KCNIP4: variants seen among roughly 807,000 people sequenced by gnomAD.
The protein encoded by KCNIP4 is Kv channel-interacting protein 4.
KCNIP4 carries 12 observed loss-of-function variants against 34.0 expected under a neutral mutation model. The observed-to-expected ratio is 0.35, with a 90% confidence interval of 0.23 to 0.57. KCNIP4 has a LOEUF of 0.57. Among genes scored for constraint, KCNIP4 ranks in the 20% least tolerant of loss-of-function variants. The pLI, the probability that KCNIP4 is intolerant of heterozygous loss-of-function variation, is 0.83. For missense variants in KCNIP4, 238 were observed against 311.7 expected (o/e 0.76, Z 1.78); for synonymous variants, 124 against 102.2 (o/e 1.21, Z -1.29).
At position 21,400,510 on chromosome 4, in the gene KCNIP4, TTC is replaced by T. The variant is rs1560369102; in HGVS notation, c.62-517803_62-517802del. 2.1e-3 allele frequency among the ~76,000 whole-genome samples: 210 copies of T among 100,818 alleles called. 4 individuals carry two copies. Among genetic ancestry groups the T allele is most frequent in the African/African-American group, 8.0e-3 (150 of 18,702 alleles). The allele number at this position is 100,818 out of a possible 152,430, so 66.1% of individuals were successfully genotyped here. On this transcript the variant is annotated intron_variant, in intron 1 of 8. Coordinates refer to ENST00000382152, the MANE Select transcript of KCNIP4 (RefSeq NM_025221.6). ...CTCCTCTCCCCTCCCTTCCCCTCCC[TTC>T]CTCTTCTCTTCTCTTCTCTTCTCTT...
chr4:20,950,158 T>A (rs1236462444), intron 1 of KCNIP4, among the ~76,000 whole-genome samples: 1 of 150,376 alleles, frequency 6.6e-6, no homozygotes, highest in Non-Finnish European at 1.5e-5. Context: ...AAATACTGGT[T>A]CTTCCTGTGC....
intron 1 of KCNIP4, among the ~76,000 whole-genome samples, chr4:21,785,399 T>G (rs1719835719): frequency 6.6e-6 from 1 of 151,976 alleles, no homozygotes; most frequent in Admixed American, 6.6e-5. Flanking sequence ...GAGACCAGCC[T>G]GGTCAACATG....
chr4:21,619,643 C>A (rs1744868575), intron 1 of KCNIP4, among the ~76,000 whole-genome samples: 1 of 152,140 alleles, frequency 6.6e-6, no homozygotes, highest in Non-Finnish European at 1.5e-5. Context: ...AGGTGAGGCT[C>A]CCTTTGTTGA....
chr4:20,905,336 G>A (rs1727619288), intron 1 of KCNIP4, among the ~76,000 whole-genome samples: 1 of 152,092 alleles, frequency 6.6e-6, no homozygotes. Context: ...TACTGAATTA[G>A]GGTTTCACCC....
At chr4:21,925,461 A>G (rs1445653231) in intron 1 of KCNIP4, among the ~76,000 whole-genome samples, 46 of 152,052 alleles carry the variant, frequency 3.0e-4, no homozygotes, top group Non-Finnish European at 4.4e-5. Context: ...TACGTGCCAC[A>G]TTTTCTTAAT....
intron 1 of KCNIP4, among the ~76,000 whole-genome samples, chr4:20,903,785 C>T (rs549477809): frequency 6.6e-6 from 1 of 152,260 alleles, no homozygotes; most frequent in South Asian, 2.1e-4. Context: ...GAATAAACCT[C>T]TTCAAATATT....
intron 1 of KCNIP4, among the ~76,000 whole-genome samples, chr4:21,022,069 T>C (rs1740122104): frequency 6.6e-6 from 1 of 152,026 alleles, no homozygotes. Flanking sequence ...CGGCTACAAT[T>C]TCATATGTGA....
chr4:21,600,188 A>G (rs748868168), intron 1 of KCNIP4, among the ~76,000 whole-genome samples: 1 of 152,096 alleles, frequency 6.6e-6, no homozygotes, highest in Non-Finnish European at 1.5e-5. Context: ...TAAACAATAC[A>G]AAAACTTTCA....
chr4:21,556,930 A>AAACAAAAAAAAAAAAAAAAAAC (rs1739093810), intron 1 of KCNIP4, among the ~76,000 whole-genome samples: 2 of 108,194 alleles, frequency 1.8e-5, no homozygotes, highest in Non-Finnish European at 4.0e-5. Flanking sequence ...CAGAAAAAAA[A>AAACAAAAAAAAAAAAAAAAAAC]AAAAAAAAAA....
At chr4:21,718,184 A>C (rs920668045) in intron 1 of KCNIP4, among the ~76,000 whole-genome samples, 54 of 152,330 alleles carry the variant, frequency 3.5e-4, no homozygotes, top group Non-Finnish European at 3.5e-4. Flanking sequence ...GCTCTCCTTA[A>C]GAAGAAAAAA....
At chr4:20,882,443 C>T (rs909212357) in intron 2 of KCNIP4, among the ~76,000 whole-genome samples, 165 bp downstream of exon 2, 8 of 152,100 alleles carry the variant, frequency 5.3e-5, no homozygotes, top group Non-Finnish European at 1.0e-4. Context: ...AAAATGACTC[C>T]TAATTGCCCA....
chr4:21,014,501 C>G (rs1045404271), intron 1 of KCNIP4, among the ~76,000 whole-genome samples: 2 of 152,178 alleles, frequency 1.3e-5, no homozygotes, highest in Non-Finnish European at 2.9e-5. Context: ...TTCTGCATCA[C>G]TTAAAGAATA....
chr4:21,085,205 A>G (rs923015786), intron 1 of KCNIP4, among the ~76,000 whole-genome samples: 14 of 152,040 alleles, frequency 9.2e-5, no homozygotes, highest in African/African-American at 3.4e-4. Flanking sequence ...GCTCTTATAA[A>G]AAGAGACACA....
chr4:21,700,573 GT>G (rs1170292871), intron 1 of KCNIP4, among the ~76,000 whole-genome samples: 1 of 151,392 alleles, frequency 6.6e-6, no homozygotes, highest in Non-Finnish European at 1.5e-5. Flanking sequence ...TTTTTTGTTT[GT>G]TTTTTGCTGT....
intron 1 of KCNIP4, among the ~76,000 whole-genome samples, chr4:21,434,765 T>TGGG (rs754344317): frequency 9.4e-6 from 1 of 106,706 alleles, no homozygotes; most frequent in African/African-American, 3.7e-5. Flanking sequence ...ACCCTGTCTG[T>TGGG]GGGGGGAAAA....
intron 1 of KCNIP4, among the ~76,000 whole-genome samples, chr4:21,796,096 C>T (rs1398392060): frequency 6.6e-6 from 1 of 152,040 alleles, no homozygotes; most frequent in Admixed American, 6.6e-5. Flanking sequence ...AAATTAAACC[C>T]TAATAAACAT....
chr4:20,830,763 A>G (rs529522743), intron 3 of KCNIP4, among the ~76,000 whole-genome samples: 54 of 152,204 alleles, frequency 3.5e-4, no homozygotes, highest in Non-Finnish European at 6.8e-4. Flanking sequence ...TTTACTATCC[A>G]TCTCCCAAGT....
chr4:21,739,877 C>A (rs1477624009), intron 1 of KCNIP4, among the ~76,000 whole-genome samples: 1 of 152,062 alleles, frequency 6.6e-6, no homozygotes, highest in Non-Finnish European at 1.5e-5. Flanking sequence ...ACAAAAGTAT[C>A]CAATGGTTGG....
intron 1 of KCNIP4, among the ~76,000 whole-genome samples, chr4:21,636,117 T>C (rs1339868922): frequency 2.2e-4 from 26 of 115,830 alleles, no homozygotes; most frequent in South Asian, 9.1e-4. Flanking sequence ...GGAAGGGGAA[T>C]ATCACACTCT....
Sources: allele counts gnomAD v4.1 joint callset (sites outside exome capture counted in the v4.1 genomes callset), GRCh38; gene constraint gnomAD v4.1.1; transcripts MANE v1.5; gene names NCBI Gene and HGNC (gene_info 2026-07-23, HGNC 2026-07-21).